The following PLBD2 variants were observed in gnomAD, a reference collection of about 807,000 sequenced individuals.
PLBD2 encodes the protein putative aminopeptidase PLBD2.
PLBD2 carries 51 observed loss-of-function variants against 68.3 expected under a neutral mutation model. The ratio of observed to expected loss-of-function variants is 0.75; its 90% confidence interval spans 0.60 to 0.94. The LOEUF is 0.94. PLBD2 is among the 40% of genes least tolerant of loss of function. The pLI is 0.00. For synonymous variants in PLBD2, 314 were observed against 339.3 expected, an observed-to-expected ratio of 0.93 and a Z score of 0.82; for missense variants, 729 against 792.2, an observed-to-expected ratio of 0.92 and a Z score of 0.96.
intron 1 of PLBD2, among the ~76,000 whole-genome samples, chr12:113,363,242 C>T (rs1957311672): frequency 6.6e-6 from 1 of 152,094 alleles, no homozygotes; most frequent in Non-Finnish European, 1.5e-5. Context: ...TGAGACCAGC[C>T]TGGGCAACAT....
intron 2 of PLBD2, among the ~76,000 whole-genome samples, chr12:113,369,922 CAG>C (rs1193985239): frequency 2.0e-5 from 3 of 150,408 alleles, no homozygotes; most frequent in Admixed American, 6.6e-5. Context: ...TTTTTTGAGA[CAG>C]AGTCTTGCTC....
At chr12:113,383,321 G>A (rs1957514656) in intron 6 of PLBD2, among the ~76,000 whole-genome samples, 1 of 152,208 alleles carries the variant, frequency 6.6e-6, no homozygotes, top group Non-Finnish European at 1.5e-5. Context: ...TGGGTTCATG[G>A]GAGCGGCTCT....
At chr12:113,378,622 A>G (rs1287468150) in intron 5 of PLBD2, among the ~76,000 whole-genome samples, 1 of 150,460 alleles carries the variant, frequency 6.6e-6, no homozygotes, top group African/African-American at 2.4e-5. Context: ...TCAGCCTCCC[A>G]AAGCACTGGG....
At chr12:113,359,659 G>T (rs1205778934) in intron 1 of PLBD2, among the ~76,000 whole-genome samples, 1 of 152,226 alleles carries the variant, frequency 6.6e-6, no homozygotes, top group Non-Finnish European at 1.5e-5. Flanking sequence ...AGATTTTGAG[G>T]ATGTGCTCTA....
In PLBD2 at chr12:113,374,725, T is replaced by C. The variant is rs1957422881; in HGVS notation, c.645-68T>C. 3.2e-6 allele frequency: 5 copies of C among 1,576,676 alleles called. No homozygotes were observed. The African/African-American group carries it at 4.0e-5, about 13-fold the overall frequency. On this transcript the variant is annotated intron_variant, in intron 4 of 11. Coordinates refer to ENST00000280800, the MANE Select transcript of PLBD2 (RefSeq NM_173542.4). Reference sequence around the variant, plus strand: ...TTCCCAGAGCCTCAGCTTTCTCCTCTGCAAAATGAGTACATAACAGCACTC... The same window carrying C: ...TTCCCAGAGCCTCAGCTTTCTCCTCCGCAAAATGAGTACATAACAGCACTC...
intron 3 of PLBD2, 85 bp from the exon 4 acceptor site, chr12:113,374,389 A>C: frequency 3.2e-6 from 3 of 941,290 alleles, no homozygotes; most frequent in Admixed American, 4.3e-5. Flanking sequence ...CTGAACCCCC[A>C]GGCCAGAGCC....
At chr12:113,370,830 A>T (rs1317717248) in intron 2 of PLBD2, among the ~76,000 whole-genome samples, 4 of 152,172 alleles carry the variant, frequency 2.6e-5, no homozygotes, top group African/African-American at 9.7e-5. Context: ...ACAGCTTGTC[A>T]TGTGTACTTC....
At chr12:113,374,328 G>T (rs1957417316) in intron 3 of PLBD2, 146 bp from the exon 4 acceptor site, 4 of 611,306 alleles carry the variant, frequency 6.5e-6, no homozygotes, top group Non-Finnish European at 8.8e-6. Context: ...TAGTTTGGGG[G>T]AGTCAAGGCT....
Position 113,388,865 on chromosome 12 carries a change from A to C in PLBD2, c.*239A>C. On this transcript the variant is annotated 3_prime_UTR_variant, in exon 12 of 12. Coordinates refer to ENST00000280800, the MANE Select transcript of PLBD2 (RefSeq NM_173542.4). Reference sequence around the variant, plus strand: ...TCTTCTGCCCTGCCCTAAATCTCCCACTCTCTGTTTCTGTCTGTTTCCTAC... The same window carrying C: ...TCTTCTGCCCTGCCCTAAATCTCCCCCTCTCTGTTTCTGTCTGTTTCCTAC... 9.9e-6 allele frequency: 4 copies of C among 404,900 alleles called. No homozygotes were observed. Among genetic ancestry groups the C allele is most frequent in the Non-Finnish European group, 1.7e-5 (4 of 230,502 alleles). 25.1% of individuals were successfully genotyped at this position (404,900 alleles called of 1,614,324 possible). A position where few individuals can be genotyped will look rare whatever the true frequency, so the allele number is the denominator to read the frequency against.
At chr12:113,373,585 C>T (rs568192179) in intron 3 of PLBD2, among the ~76,000 whole-genome samples, 25 of 151,654 alleles carry the variant, frequency 1.6e-4, no homozygotes, top group African/African-American at 5.8e-4. Flanking sequence ...TCCATCCATG[C>T]ATCCATCCAT....
rs1432645600 is a variant in PLBD2, at chr12:113,358,724, A to G, written c.124A>G (p.Ile42Val). 7.2e-7 allele frequency: 1 copy of G among 1,391,612 alleles called. No homozygotes were observed. Among genetic ancestry groups the G allele is most frequent in the African/African-American group, 1.5e-5 (1 of 65,468 alleles). 86.2% of individuals were successfully genotyped at this position (1,391,612 alleles called of 1,614,324 possible). The stretch of plus-strand genomic sequence containing the variant: ...GTTCCTGAGCGGCCTGGCGGGGGCG[A>G]TCCCAGCGCCGGGGGGCCGCTGGGC... Reference protein sequence around the residue: ...GPFLSGLAGAIPAPGGRWARD... With the variant: ...GPFLSGLAGAVPAPGGRWARD... Residue 42 changes from isoleucine to valine, a missense_variant, in exon 1 of 12, where the codon ATC (isoleucine) becomes GTC (valine). Ile to Val is a conservative substitution (Grantham distance 29, BLOSUM62 3). Transcript: ENST00000280800.
Position 113,384,040 on chromosome 12 carries a change from T to G in PLBD2, c.958-65T>G. ...AAAAAATTTTTGGAGCCATGACTGATGAAGTACTGCCACTTGGTGGCAGCA... is the reference window on the plus strand; with the variant it reads ...AAAAAATTTTTGGAGCCATGACTGAGGAAGTACTGCCACTTGGTGGCAGCA... On this transcript the variant is annotated intron_variant, in intron 6 of 11. Coordinates refer to ENST00000280800, the MANE Select transcript of PLBD2 (RefSeq NM_173542.4). This position sits in a 1 kb window ranked among gnomAD's most constrained non-coding sequence, Gnocchi z 4.2. 7.5e-7 allele frequency: 1 copy of G among 1,326,238 alleles called. No homozygotes were observed. Among genetic ancestry groups the G allele is most frequent in the Admixed American group, 2.6e-5 (1 of 38,516 alleles). 82.2% of individuals were successfully genotyped at this position (1,326,238 alleles called of 1,614,324 possible).
rs757825711 is a variant in PLBD2, at chr12:113,386,944, G to A, written c.1294G>A (p.Glu432Lys). Residue 432 changes from glutamate (E) to lysine (K), a missense_variant, in exon 10 of 12, where the codon GAG becomes AAG. Physicochemically the swap from Glu to Lys is moderately conservative, Grantham distance 56. Transcript: ENST00000280800. ...CATCCTTGTCCCCGGCAGGTCCTTC[G>A]AGACTGTGTTCAATGCCAGTGGGCT... ...YWASYNIPSF[E>K]TVFNASGLQA... 62 of 1,613,042 alleles carry A rather than the reference G, an allele frequency of 3.8e-5. No individual in the cohort carries two copies. Among genetic ancestry groups the A allele is most frequent in the Admixed American group, 1.0e-4 (6 of 59,842 alleles).
chr12:113,385,912 G>A (rs1258806355), intron 9 of PLBD2, among the ~76,000 whole-genome samples: 3 of 152,052 alleles, frequency 2.0e-5, no homozygotes. Flanking sequence ...CACCATCCTT[G>A]GCTAATTTTT....
At position 113,358,873 on chromosome 12, in the gene PLBD2, C is replaced by T; in HGVS notation, c.273C>T (p.Asn91=). The change falls in exon 1 of 12, where the codon AAC becomes AAT. Residue 91 remains asparagine, a synonymous_variant. Transcript: ENST00000280800. ...CCGTGGCCTGGGCCAACCTCACCAACGCCATCCGCGAGACTGGGTAAGGGT... is the reference window on the plus strand; with the variant it reads ...CCGTGGCCTGGGCCAACCTCACCAATGCCATCCGCGAGACTGGGTAAGGGT... ...PDAVAWANLT[N]AIRETGWAFL... is the part of the protein sequence containing the mutation. The T allele has an allele frequency of 1.3e-6, 2 of 1,525,992 alleles. No individual in the cohort carries two copies. The highest frequency in any genetic ancestry group is 1.8e-6 in the Non-Finnish European group (2 of 1,139,178). 94.5% of individuals were successfully genotyped at this position (1,525,992 alleles called of 1,614,324 possible).
chr12:113,387,152 G>A, intron 10 of PLBD2, 63 bp downstream of exon 10: 1 of 1,494,252 alleles, frequency 6.7e-7, no homozygotes, highest in South Asian at 1.4e-5. Context: ...AACTTCCTGT[G>A]CGCTTTTTGT....
chr12:113,372,679 G>A lies in PLBD2; in HGVS notation c.415G>A (p.Val139Met). 3 of 1,614,120 alleles carry A rather than the reference G, an allele frequency of 1.9e-6. No homozygotes were observed. Among genetic ancestry groups the A allele is most frequent in the Non-Finnish European group, 2.5e-6 (3 of 1,180,016 alleles). Residue 139 changes from valine (V) to methionine (M), a missense_variant, in exon 3 of 12, where the codon GTG becomes ATG. By Grantham distance (21) the Val-to-Met change is conservative. Transcript: ENST00000280800. This position sits in a 1 kb window ranked among gnomAD's most constrained non-coding sequence, Gnocchi z 4.2. The stretch of plus-strand genomic sequence containing the variant: ...CTACATGCACTGGATGAACACGGTG[G>A]TGAATTACTGCGGCCCCTTCGAGTA... ...LIYMHWMNTV[V>M]NYCGPFEYEV...
chr12:113,369,276 T>C, intron 2 of PLBD2, 67 bp downstream of exon 2: 3 of 1,384,946 alleles, frequency 2.2e-6, no homozygotes, highest in Non-Finnish European at 2.0e-6. Context: ...TTCCCCAGTG[T>C]GCTTTTGAGA....
chr12:113,377,284 A>C (rs1310901681), intron 5 of PLBD2, among the ~76,000 whole-genome samples: 1 of 152,166 alleles, frequency 6.6e-6, no homozygotes, highest in Non-Finnish European at 1.5e-5. Flanking sequence ...TACAACTTGA[A>C]TTTCTTGCAC....
Sources: gnomAD v4.1 joint callset for allele counts (sites outside exome capture counted in the v4.1 genomes callset) on GRCh38, gnomAD v4.1.1 for gene constraint, Gnocchi (gnomAD v3.1) non-coding constraint, MANE v1.5 for transcripts, NCBI Gene and HGNC (gene_info 2026-07-23, HGNC 2026-07-21) for gene names.